VWF: variants seen among roughly 807,000 people sequenced by gnomAD.
VWF encodes the protein Factor VIII related antigen.
In VWF, 176 loss-of-function variants were observed where a neutral mutation model predicts 308.6. That is an observed-to-expected ratio of 0.57 (90% CI 0.50 to 0.65). The LOEUF (loss-of-function observed/expected upper bound fraction) is 0.65. VWF is among the 30% of genes least tolerant of loss of function. VWF has a pLI of 0.00. For missense variants in VWF, 3,146 were observed against 3,648.2 expected, an observed-to-expected ratio of 0.86 and a Z score of 3.55; for synonymous variants, 1,385 against 1,443.4, an observed-to-expected ratio of 0.96 and a Z score of 0.92.
Position 6,020,972 on chromosome 12 carries a change from T to C in VWF, c.3674+928A>G, listed in dbSNP as rs371323832. 0.062 allele frequency among the ~76,000 whole-genome samples: 9,388 copies of C among 151,736 alleles called. 951 individuals are homozygous for C. The highest frequency in any genetic ancestry group is 0.21 in the African/African-American group (8,697 of 41,006). On this transcript the variant is annotated intron_variant, in intron 27 of 51. Coordinates refer to ENST00000261405, the MANE Select transcript of VWF (RefSeq NM_000552.5). The surrounding 1 kb of genome is among the most constrained non-coding windows in gnomAD (Gnocchi z 4.3). ...ACCCAGTCCTTTGCTCCCTACAGTC[T>C]CTGTTTCAGCATAAAGAGTGTGCGC...
Position 6,074,347 on chromosome 12 carries a change from G to A in VWF, c.875-606C>T, listed in dbSNP as rs554041452. 2.0e-5 allele frequency among the ~76,000 whole-genome samples: 3 copies of A among 152,098 alleles called. No individual in the cohort carries two copies. In the East Asian group the frequency reaches 5.8e-4, roughly 29 times the overall value. On this transcript the variant is annotated intron_variant, in intron 7 of 51. Transcript: ENST00000261405. Reference sequence around the variant, plus strand: ...CTCTCCTCCTTCCTCTCTCTACCCTGTAGCTGAGCGACATTCAGGCTGACT... The same window carrying A: ...CTCTCCTCCTTCCTCTCTCTACCCTATAGCTGAGCGACATTCAGGCTGACT...
At chr12:5,949,355 T>C (rs1279540986) in intron 51 of VWF, 152 bp from the exon 52 acceptor site, 2 of 755,426 alleles carry the variant, frequency 2.6e-6, no homozygotes, top group African/African-American at 3.4e-5. Context: ...AGGCAATTTG[T>C]AAAGGAAGAT....
At chr12:6,109,850 C>T (rs1054669785) in intron 5 of VWF, among the ~76,000 whole-genome samples, 1 of 152,172 alleles carries the variant, frequency 6.6e-6, no homozygotes, top group African/African-American at 2.4e-5. Flanking sequence ...CATGGTTTCA[C>T]CATGTTAGCC....
At position 6,063,932 on chromosome 12, in the gene VWF, A is replaced by T. The variant is rs1016734242; in HGVS notation, c.1432+314T>A. On this transcript the variant is annotated intron_variant, in intron 12 of 51. Coordinates refer to ENST00000261405, the MANE Select transcript of VWF (RefSeq NM_000552.5). The surrounding 1 kb of genome is among the most constrained non-coding windows in gnomAD (Gnocchi z 4.9). ...AGCAAACCAGAACCACCTGCCCAAGACTCAACTCGCCCCTTTGGTTCAAGC... is the reference window on the plus strand; with the variant it reads ...AGCAAACCAGAACCACCTGCCCAAGTCTCAACTCGCCCCTTTGGTTCAAGC... 2.0e-5 allele frequency among the ~76,000 whole-genome samples: 3 copies of T among 152,124 alleles called. No individual in the cohort carries two copies. The highest frequency in any genetic ancestry group is 4.4e-5 in the Non-Finnish European group (3 of 67,978).
At chr12:5,982,992 A>G (rs190988053) in intron 41 of VWF, among the ~76,000 whole-genome samples, 158 bp downstream of exon 41, 1 of 152,278 alleles carries the variant, frequency 6.6e-6, no homozygotes, top group East Asian at 1.9e-4. Flanking sequence ...TGCAGGTGTG[A>G]CCCTAACCCC....
Position 6,019,815 on chromosome 12 carries a change from CAAT to C in VWF, c.3675-75_3675-73del. On this transcript the variant is annotated intron_variant, in intron 27 of 51. Transcript: ENST00000261405. The surrounding 1 kb of genome is among the most constrained non-coding windows in gnomAD (Gnocchi z 5.8). Reference sequence around the variant, plus strand: ...GGACACTTCTGAGCCCTACAGTGTACAATGACTTCCATATTCCCACAGAATCTC... The same window carrying C: ...GGACACTTCTGAGCCCTACAGTGTACGACTTCCATATTCCCACAGAATCTC... The C allele has an allele frequency of 1.3e-6, 2 of 1,491,046 alleles. No homozygotes were observed. The highest frequency in any genetic ancestry group is 1.8e-6 in the Non-Finnish European group (2 of 1,100,422). 92.4% of individuals were successfully genotyped at this position (1,491,046 alleles called of 1,614,324 possible). A position where few individuals can be genotyped will look rare whatever the true frequency, so the allele number is the denominator to read the frequency against.
In VWF at chr12:6,087,324, G is replaced by A. The variant is rs144149883; in HGVS notation, c.657+8136C>T. Among the ~76,000 whole-genome samples, 591 of 150,558 alleles carry A rather than the reference G, an allele frequency of 3.9e-3. 3 individuals carry two copies. Among genetic ancestry groups the A allele is most frequent in the Middle Eastern group, 0.011 (3 of 284 alleles). On this transcript the variant is annotated intron_variant, in intron 6 of 51. Coordinates refer to ENST00000261405, the MANE Select transcript of VWF (RefSeq NM_000552.5). ...GAGGTCTGCAAGATGGCTGGGAAGC[G>A]CCCAGCAAGGGTGTCTCAAAGACTT...
chr12:5,991,787 C>T (rs1486554112), intron 38 of VWF, 32 bp downstream of exon 38: 18 of 1,610,886 alleles, frequency 1.1e-5, no homozygotes, highest in Admixed American at 6.7e-5. Context: ...AGGGAAGCAG[C>T]CCCATGGGAA....
At chr12:6,119,372 C>T (rs1039951352) in intron 3 of VWF, among the ~76,000 whole-genome samples, 2 of 152,228 alleles carry the variant, frequency 1.3e-5, no homozygotes, top group Non-Finnish European at 2.9e-5. Flanking sequence ...GGTCCTGATG[C>T]AGCCTGGAGT....
intron 34 of VWF, among the ~76,000 whole-genome samples, chr12:6,008,525 C>G (rs1383696143): frequency 6.6e-6 from 1 of 152,060 alleles, no homozygotes; most frequent in Admixed American, 6.6e-5. Flanking sequence ...ATTACCTCAA[C>G]AAAATAAAGG....
chr12:6,065,255 C>T lies in VWF; in HGVS notation c.1175G>A (p.Gly392Asp). 1 of 1,614,108 alleles carries T rather than the reference C, an allele frequency of 6.2e-7. No individual in the cohort carries two copies. The highest frequency in any genetic ancestry group is 1.1e-5 in the South Asian group (1 of 91,064). Residue 392 changes from glycine (G) to aspartate (D), a missense_variant, in exon 11 of 52, where the codon GGT becomes GAT. Physicochemically the swap from Gly to Asp is moderately conservative, Grantham distance 94. Around this residue, in one of 3 missense-constraint regions of VWF, gnomAD observed 1,304 missense variants for 1,353.0 expected, o/e 0.96. Transcript: ENST00000261405. ...EECPGECLVT[G>D]QSHFKSFDNR... ...GTCAAAGCTCTTGAAGTGTGATTGA[C>T]CTGTGACAAGGCACTCCCCTGGAGA...
intron 6 of VWF, among the ~76,000 whole-genome samples, chr12:6,093,073 A>G (rs1945068277): frequency 6.6e-6 from 1 of 152,134 alleles, no homozygotes; most frequent in Non-Finnish European, 1.5e-5. Flanking sequence ...CTGAATAAGA[A>G]AAGCTCTCCT....
At position 6,022,024 on chromosome 12, in the gene VWF, C is replaced by T. The variant is rs1243003069; in HGVS notation, c.3550G>A (p.Asp1184Asn). ...TCAACGCAGGTCTGCAAAAGCTCAT[C>T]CAGGATTTTCCCTGCAAAAGAAAGC... is the stretch of plus-strand genomic sequence containing the variant. ...HAHCPPGKIL[D>N]ELLQTCVDPE... The change falls in exon 27 of 52, where the codon GAT (aspartate) becomes AAT (asparagine). Residue 1184 changes from aspartate (D) to asparagine (N), a missense_variant. This residue lies in a region of VWF where 853 missense variants were observed against 1,177.8 expected (regional missense o/e 0.72). Coordinates refer to ENST00000261405, the MANE Select transcript of VWF (RefSeq NM_000552.5). 1 of 1,614,166 alleles carries T rather than the reference C, an allele frequency of 6.2e-7. No individual in the cohort carries two copies. Among genetic ancestry groups the T allele is most frequent in the East Asian group, 2.2e-5 (1 of 44,874 alleles).
At chr12:6,055,686 G>A (rs923006410) in intron 15 of VWF, among the ~76,000 whole-genome samples, 1 of 151,176 alleles carries the variant, frequency 6.6e-6, no homozygotes, top group Non-Finnish European at 1.5e-5. Flanking sequence ...CTGAAATATA[G>A]ATGCTAATTC....
At chr12:6,088,492 A>AT (rs1234728259) in intron 6 of VWF, among the ~76,000 whole-genome samples, 1 of 139,236 alleles carries the variant, frequency 7.2e-6, no homozygotes, top group Non-Finnish European at 1.5e-5. Context: ...AAAAAAAAAA[A>AT]GCGAGAGAGA....
Position 6,121,331 on chromosome 12 carries a change from A to C in VWF, c.63T>G (p.Leu21=), listed in dbSNP as rs762386347. Residue 21 remains leucine, a synonymous_variant, in exon 3 of 52, where the codon CTT becomes CTG. Transcript: ENST00000261405. The part of the protein sequence containing the change: ...LALALILPGT[L]CAEGTRGRSS... Reference sequence around the variant, plus strand: ...ACCTGCCGCGAGTTCCTTCTGCACAAAGGGTCCCTGGAGGGAGAGGCCACA... The same window carrying C: ...ACCTGCCGCGAGTTCCTTCTGCACACAGGGTCCCTGGAGGGAGAGGCCACA... The C allele has an allele frequency of 1.9e-6, 3 of 1,614,012 alleles. No individual in the cohort carries two copies. In the South Asian group the frequency reaches 3.3e-5, roughly 18 times the overall value.
At position 6,013,480 on chromosome 12, in the gene VWF, C is replaced by A; in HGVS notation, c.5620+1G>T. On this transcript the variant is annotated splice_donor_variant, in intron 32 of 51. Transcript: ENST00000261405. LOFTEE classifies it high-confidence loss of function. ...AGTAAGAAAGGTATTATAAGACTCACCAGAGCACAGTTTGTGGAGGAAGGA... is the reference window on the plus strand; with the variant it reads ...AGTAAGAAAGGTATTATAAGACTCAACAGAGCACAGTTTGTGGAGGAAGGA... The A allele has an allele frequency of 6.2e-7, 1 of 1,614,138 alleles. No individual in the cohort carries two copies. Among genetic ancestry groups the A allele is most frequent in the Non-Finnish European group, 8.5e-7 (1 of 1,180,020 alleles).
At chr12:6,116,955 G>C (rs1158739482) in intron 3 of VWF, among the ~76,000 whole-genome samples, 2 of 152,108 alleles carry the variant, frequency 1.3e-5, no homozygotes, top group Non-Finnish European at 2.9e-5. Flanking sequence ...CAAGTCCTGG[G>C]CTCCCTCCCC....
chr12:6,066,403 G>T (rs1010371207), intron 10 of VWF, among the ~76,000 whole-genome samples: 2 of 152,200 alleles, frequency 1.3e-5, no homozygotes, highest in African/African-American at 2.4e-5. Flanking sequence ...TACAGAAAAA[G>T]AAATATATAT....
Sources: allele counts gnomAD v4.1 joint callset (sites outside exome capture counted in the v4.1 genomes callset), GRCh38; gene constraint gnomAD v4.1.1; regional missense constraint gnomAD v4.1.1; non-coding constraint Gnocchi (gnomAD v3.1); transcripts MANE v1.5; gene names NCBI Gene and HGNC (gene_info 2026-07-23, HGNC 2026-07-21).